RABGEF1: variants seen among roughly 807,000 people sequenced by gnomAD.
RABGEF1 encodes rab5 GDP/GTP exchange factor.
A neutral mutation model predicts 57.3 loss-of-function variants in RABGEF1; 26 were observed. That is an observed-to-expected ratio of 0.45 (90% CI 0.33 to 0.63). The LOEUF (loss-of-function observed/expected upper bound fraction) is 0.63. Ranked by LOEUF, RABGEF1 falls within the 20% of genes least tolerant of loss-of-function variation. RABGEF1 has a pLI of 0.02. For synonymous variants in RABGEF1, 185 were observed against 210.7 expected (o/e 0.88, Z 1.06); for missense variants, 464 against 607.6 (o/e 0.76, Z 2.48).
intron 5 of RABGEF1, among the ~76,000 whole-genome samples, chr7:66,796,189 A>G (rs1291056158): frequency 1.3e-5 from 2 of 152,010 alleles, no homozygotes; most frequent in African/African-American, 4.8e-5. Flanking sequence ...TGCTAAATGA[A>G]TTTTCCATCT....
At chr7:66,785,848 T>G (rs1384085444) in intron 4 of RABGEF1, among the ~76,000 whole-genome samples, 1 of 151,648 alleles carries the variant, frequency 6.6e-6, no homozygotes, top group Non-Finnish European at 1.5e-5. Flanking sequence ...CACTCCAGCC[T>G]GGATGACAGA....
intron 7 of RABGEF1, among the ~76,000 whole-genome samples, chr7:66,801,342 G>A (rs546416147): frequency 6.6e-6 from 1 of 152,260 alleles, no homozygotes; most frequent in African/African-American, 2.4e-5. Flanking sequence ...TTACCTTAGG[G>A]GAAATGGGGT....
In RABGEF1 at chr7:66,773,095, TC is replaced by T. The variant is rs146197088; in HGVS notation, c.179+1018del. Among the ~76,000 whole-genome samples the T allele has an allele frequency of 2.0e-3, 292 of 148,784 alleles. 2 individuals are homozygous for T. The highest frequency in any genetic ancestry group is 3.7e-3 in the South Asian group (17 of 4,626). ...TAGCTAGTTGTTTGTTTTTTTTTTT[TC>T]ATCCAGTCAGCCAATATTTGTTGAG... On this transcript the variant is annotated intron_variant, in intron 2 of 8. Coordinates refer to ENST00000284957, the MANE Select transcript of RABGEF1 (RefSeq NM_014504.3).
intron 1 of RABGEF1, among the ~76,000 whole-genome samples, chr7:66,754,864 A>G (rs1302959001): frequency 2.0e-5 from 3 of 152,148 alleles, no homozygotes; most frequent in East Asian, 3.9e-4. Flanking sequence ...AGCTAAAACT[A>G]TGATATGCCT....
chr7:66,718,340 C>G (rs984975417), intron 2 of RABGEF1, among the ~76,000 whole-genome samples: 24 of 152,106 alleles, frequency 1.6e-4, no homozygotes, highest in African/African-American at 5.8e-4. Flanking sequence ...GAGCAAGACT[C>G]TGTCTAAAAA....
intron 1 of RABGEF1, among the ~76,000 whole-genome samples, chr7:66,742,073 C>A (rs1172773176): frequency 6.6e-6 from 1 of 151,858 alleles, no homozygotes. Context: ...ATGGCATGAA[C>A]CCGGGAGGCG....
intron 1 of RABGEF1, among the ~76,000 whole-genome samples, chr7:66,753,366 A>G (rs2129065599): frequency 6.6e-6 from 1 of 151,874 alleles, no homozygotes; most frequent in Middle Eastern, 3.4e-3. Context: ...TTTGTGGAAA[A>G]CTCATTTCTT....
At chr7:66,759,525 T>C (rs1583813981) in intron 1 of RABGEF1, among the ~76,000 whole-genome samples, 1 of 152,192 alleles carries the variant, frequency 6.6e-6, no homozygotes, top group South Asian at 2.1e-4. Context: ...AAGAAATACC[T>C]GAGATTGAGT....
At chr7:66,666,591 T>C in the RABGEF1 span, among the ~76,000 whole-genome samples, 1 of 152,154 alleles carries the variant, frequency 6.6e-6, no homozygotes, top group Non-Finnish European at 1.5e-5. Flanking sequence ...CTTGCCTCCT[T>C]CTGAGGCAAG....
At chr7:66,749,478 G>A (rs1235494618) in intron 1 of RABGEF1, among the ~76,000 whole-genome samples, 1 of 152,192 alleles carries the variant, frequency 6.6e-6, no homozygotes, top group African/African-American at 2.4e-5. Flanking sequence ...ATAGAATATT[G>A]TAAGAAAGCA....
At chr7:66,732,700 TCTCTCTCTCGCTCA>T (rs1192866461) in intron 2 of RABGEF1, among the ~76,000 whole-genome samples, 13 of 149,930 alleles carry the variant, frequency 8.7e-5, no homozygotes, top group Admixed American at 2.6e-4. Flanking sequence ...TCTTGTGCTC[TCTCTCTCTCGCTCA>T]CTCTCTCTCG....
chr7:66,779,913 C>G (rs1809480111), intron 3 of RABGEF1, among the ~76,000 whole-genome samples: 1 of 152,160 alleles, frequency 6.6e-6, no homozygotes, highest in Non-Finnish European at 1.5e-5. Flanking sequence ...CCTCTCTAAT[C>G]CAAACTTCTG....
intron 1 of RABGEF1, among the ~76,000 whole-genome samples, chr7:66,766,631 A>G (rs1413888052): frequency 6.6e-6 from 1 of 152,166 alleles, no homozygotes; most frequent in South Asian, 2.1e-4. Flanking sequence ...CTCTCTGTCA[A>G]GTCTCATTAA....
chr7:66,787,497 C>T (rs1042321086), intron 4 of RABGEF1, among the ~76,000 whole-genome samples: 2 of 152,082 alleles, frequency 1.3e-5, no homozygotes, highest in Non-Finnish European at 2.9e-5. Context: ...GTGTGCACCA[C>T]CATGCCGAGC....
At chr7:66,758,705 G>T (rs887210721) in intron 1 of RABGEF1, among the ~76,000 whole-genome samples, 1 of 152,074 alleles carries the variant, frequency 6.6e-6, no homozygotes. Context: ...GCCTTCTACC[G>T]TAACAGCTGT....
chr7:66,741,731 A>G (rs891141693), intron 1 of RABGEF1, among the ~76,000 whole-genome samples: 3 of 152,106 alleles, frequency 2.0e-5, no homozygotes, highest in Non-Finnish European at 4.4e-5. Context: ...GGGATCTCAC[A>G]GTGTTGCCCA....
intron 1 of RABGEF1, among the ~76,000 whole-genome samples, chr7:66,743,853 A>T (rs547932846): frequency 5.6e-4 from 85 of 151,812 alleles, no homozygotes; most frequent in Non-Finnish European, 9.9e-4. Context: ...GTGCTCTCCA[A>T]CCCCTGGCCT....
chr7:66,701,900 T>C (rs757926593), intron 1 of RABGEF1, among the ~76,000 whole-genome samples: 13 of 152,226 alleles, frequency 8.5e-5, no homozygotes, highest in Non-Finnish European at 5.9e-5. Context: ...TTTTAAAAAT[T>C]GTGGTTAAGT....
the RABGEF1 span, chr7:66,666,271 T>G: frequency 6.6e-6 from 1 of 152,142 alleles, no homozygotes; most frequent in African/African-American, 2.4e-5. Context: ...GTGGAGTCTC[T>G]CCAGTTGTGC....
Sources: allele counts gnomAD v4.1 joint callset (sites outside exome capture counted in the v4.1 genomes callset), GRCh38; gene constraint gnomAD v4.1.1; transcripts MANE v1.5; gene names NCBI Gene and HGNC (gene_info 2026-07-23, HGNC 2026-07-21).